Variants in HIVEP3 observed in about 807,000 individuals in gnomAD.
The protein encoded by HIVEP3 is transcription factor HIVEP3.
In HIVEP3, 49 loss-of-function variants were observed where a neutral mutation model predicts 152.8. That is an observed-to-expected ratio of 0.32 (90% CI 0.26 to 0.41). The LOEUF is 0.41. Ranked by LOEUF, HIVEP3 falls within the 10% of genes least tolerant of loss-of-function variation. The pLI is 1.00. For synonymous variants in HIVEP3, 1,269 were observed against 1,289.0 expected, an observed-to-expected ratio of 0.98 and a Z score of 0.33; for missense variants, 2,790 against 3,103.3, an observed-to-expected ratio of 0.90 and a Z score of 2.40.
chr1:41,905,717 AAACAGGTC>A (rs1644698669), intron 1 of HIVEP3, among the ~76,000 whole-genome samples: 1 of 152,200 alleles, frequency 6.6e-6, no homozygotes, highest in Non-Finnish European at 1.5e-5. Context: ...TGAGGGTGTC[AAACAGGTC>A]AACAGACAAT....
chr1:41,638,327 A>AGG (rs1558137209), intron 2 of HIVEP3, among the ~76,000 whole-genome samples: 4,352 of 38,922 alleles, frequency 0.11, 143 homozygotes, highest in African/African-American at 0.16. Context: ...GGAAAGAAAG[A>AGG]AAGAAAGGGA....
intron 2 of HIVEP3, among the ~76,000 whole-genome samples, chr1:41,637,763 T>A (rs920741307): frequency 2.0e-5 from 3 of 152,224 alleles, no homozygotes; most frequent in African/African-American, 7.2e-5. Flanking sequence ...GTTCTTTTTT[T>A]AAGCACTAAG....
chr1:41,669,107 T>C (rs911623196), intron 2 of HIVEP3, among the ~76,000 whole-genome samples: 9 of 152,170 alleles, frequency 5.9e-5, no homozygotes, highest in African/African-American at 1.7e-4. Context: ...CCCCAGGATT[T>C]TCTGCTGATC....
chr1:41,935,744 TTATA>T (rs1645017086), intron 1 of HIVEP3, among the ~76,000 whole-genome samples: 1 of 147,040 alleles, frequency 6.8e-6, no homozygotes, highest in African/African-American at 2.5e-5. Flanking sequence ...ATATTATATA[TTATA>T]TATATTTTAT....
chr1:41,660,024 G>C (rs540790738), intron 2 of HIVEP3, among the ~76,000 whole-genome samples: 1 of 152,254 alleles, frequency 6.6e-6, no homozygotes, highest in African/African-American at 2.4e-5. Context: ...ATAAGTGAGA[G>C]TGCATGGGAG....
chr1:41,747,509 A>G (rs796523399), intron 1 of HIVEP3, among the ~76,000 whole-genome samples: 3 of 152,382 alleles, frequency 2.0e-5, no homozygotes, highest in South Asian at 4.1e-4. Context: ...AAAATTTCAG[A>G]AAGTATAAAA....
chr1:41,763,580 G>A (rs1411401591), intron 1 of HIVEP3, among the ~76,000 whole-genome samples: 1 of 152,178 alleles, frequency 6.6e-6, no homozygotes, highest in Non-Finnish European at 1.5e-5. Context: ...ATTGAGCATA[G>A]GAGGAAAATA....
intron 1 of HIVEP3, among the ~76,000 whole-genome samples, chr1:41,812,286 C>T (rs1651006560): frequency 6.6e-6 from 1 of 152,052 alleles, no homozygotes; most frequent in Non-Finnish European, 1.5e-5. Context: ...AATAAGATGC[C>T]ATGGGCCGGG....
intron 1 of HIVEP3, among the ~76,000 whole-genome samples, chr1:41,924,346 T>C (rs1196844313): frequency 6.6e-6 from 1 of 152,200 alleles, no homozygotes; most frequent in African/African-American, 2.4e-5. Context: ...TTATTTTAAA[T>C]AACTGAGTTT....
chr1:41,728,719 T>G (rs1646793879), intron 1 of HIVEP3, among the ~76,000 whole-genome samples: 1 of 152,162 alleles, frequency 6.6e-6, no homozygotes, highest in Admixed American at 6.5e-5. Context: ...CAGCCAGACT[T>G]GCCTAGGCTG....
intron 1 of HIVEP3, among the ~76,000 whole-genome samples, chr1:42,009,723 A>G (rs1053057048): frequency 2.6e-5 from 4 of 152,112 alleles, no homozygotes. Flanking sequence ...GTTCCTTTTG[A>G]TTGAAGAATT....
chr1:41,799,976 G>C (rs1287100442), intron 1 of HIVEP3, among the ~76,000 whole-genome samples: 1 of 152,082 alleles, frequency 6.6e-6, no homozygotes, highest in South Asian at 2.1e-4. Flanking sequence ...ACATCCCTAG[G>C]AGCAGCCTTA....
At chr1:41,803,298 C>T (rs374873633) in intron 1 of HIVEP3, among the ~76,000 whole-genome samples, 3 of 152,178 alleles carry the variant, frequency 2.0e-5, no homozygotes, top group East Asian at 1.9e-4. Flanking sequence ...ATTTCACAGG[C>T]GAAAAAGTCT....
intron 1 of HIVEP3, among the ~76,000 whole-genome samples, chr1:41,782,731 C>CAAA (rs10714772): frequency 4.4e-5 from 5 of 113,578 alleles, no homozygotes; most frequent in African/African-American, 6.6e-5. Flanking sequence ...GACTCCATCT[C>CAAA]AAAAAAAAAA....
rs1026427398 is a variant in HIVEP3, at chr1:41,873,645, T to C, written c.-801+44768A>G. On this transcript the variant is annotated intron_variant, in intron 1 of 8. Coordinates refer to ENST00000372583, the MANE Select transcript of HIVEP3 (RefSeq NM_024503.5). The surrounding 1 kb of genome is among the most constrained non-coding windows in gnomAD (Gnocchi z 4.2). ...ACTTGTGTTTTTCACACTGGCTTTA[T>C]CTTGGTTTCTGAGGGAGAATCAATT... Among the ~76,000 whole-genome samples the C allele has an allele frequency of 6.6e-6, 1 of 152,268 alleles. No individual in the cohort carries two copies. The highest frequency in any genetic ancestry group is 6.5e-5 in the Admixed American group (1 of 15,290).
chr1:41,532,054 G>A (rs186448890), intron 5 of HIVEP3, among the ~76,000 whole-genome samples: 117 of 128,022 alleles, frequency 9.1e-4, no homozygotes, highest in African/African-American at 3.1e-3. Flanking sequence ...CAGGAGAGAT[G>A]GAGGACAGGG....
At chr1:41,855,149 A>G (rs1643722925) in intron 1 of HIVEP3, among the ~76,000 whole-genome samples, 1 of 145,372 alleles carries the variant, frequency 6.9e-6, no homozygotes, top group Non-Finnish European at 1.5e-5. Context: ...CAACCGTGTA[A>G]AAGTGTTCCT....
At chr1:41,818,405 G>A (rs1028546427) in intron 1 of HIVEP3, among the ~76,000 whole-genome samples, 1 of 152,168 alleles carries the variant, frequency 6.6e-6, no homozygotes, top group Admixed American at 6.5e-5. Flanking sequence ...GCAGTATATA[G>A]TATTTCTTCT....
chr1:41,528,413 C>A (rs1194099833), intron 5 of HIVEP3, among the ~76,000 whole-genome samples: 1 of 135,202 alleles, frequency 7.4e-6, no homozygotes, highest in Non-Finnish European at 1.6e-5. Flanking sequence ...CCTTCACACA[C>A]CCTTGCCCTC....
Sources: allele counts gnomAD v4.1 joint callset (sites outside exome capture counted in the v4.1 genomes callset), GRCh38; gene constraint gnomAD v4.1.1; non-coding constraint Gnocchi (gnomAD v3.1); transcripts MANE v1.5; gene names NCBI Gene and HGNC (gene_info 2026-07-23, HGNC 2026-07-21).